The following FBXO34 variants were observed in gnomAD, a reference collection of about 807,000 sequenced individuals.
The protein encoded by FBXO34 is F-box protein 34, also known as F-box only protein 34.
A neutral mutation model predicts 24.5 loss-of-function variants in FBXO34; 12 were observed. That is an observed-to-expected ratio of 0.49 (90% CI 0.31 to 0.79). The LOEUF (loss-of-function observed/expected upper bound fraction) is 0.79, where lower values mean the gene tolerates loss of function less well. Ranked by LOEUF, FBXO34 falls within the 30% of genes least tolerant of loss-of-function variation. FBXO34 has a pLI of 0.04. For synonymous variants in FBXO34, 320 were observed against 311.9 expected (o/e 1.03, Z -0.27); for missense variants, 823 against 857.7 (o/e 0.96, Z 0.51).
intron 1 of FBXO34, among the ~76,000 whole-genome samples, chr14:55,274,881 C>T (rs1195372200): frequency 6.6e-6 from 1 of 152,170 alleles, no homozygotes; most frequent in Non-Finnish European, 1.5e-5. Flanking sequence ...AGGGAAGCTA[C>T]TATGGTATGA....
At chr14:55,429,064 C>T in the FBXO34 span, 67 of 1,479,364 alleles carry the variant, frequency 4.5e-5, no homozygotes, top group Non-Finnish European at 5.4e-5. Flanking sequence ...ATTTGTACCA[C>T]GTTTATCTTT....
downstream of FBXO34, chr14:55,354,358 T>C (rs973187580): frequency 3.3e-5 from 5 of 152,212 alleles, no homozygotes; most frequent in African/African-American, 4.8e-5. Flanking sequence ...TTATGATTCA[T>C]AATTTAGGTT....
At chr14:55,295,848 A>C (rs80185775) in intron 1 of FBXO34, among the ~76,000 whole-genome samples, 9 of 152,384 alleles carry the variant, frequency 5.9e-5, no homozygotes, top group South Asian at 2.1e-4. Context: ...ATAGTAAAGA[A>C]TACTTTGAAG....
rs1193696219 is a variant in FBXO34, at chr14:55,298,597, C to CG, written c.-11+27061dup. On this transcript the variant is annotated intron_variant, in intron 1 of 1. Transcript: ENST00000313833. ...CAGGGTGGAGGCGGAGGAGGGCGGG[C>CG]GCCGGAGCCCAGCCGGAGCGGGCGT... 5.2e-6 allele frequency: 5 copies of CG among 954,650 alleles called. No individual in the cohort carries two copies. In the Admixed American group the frequency reaches 1.4e-4, roughly 26 times the overall value. The allele number at this position is 954,650 out of a possible 1,614,324, so 59.1% of individuals were successfully genotyped here.
chr14:55,386,138 AGTTCCT>A, the FBXO34 span: 1 of 1,543,308 alleles, frequency 6.5e-7, no homozygotes, highest in Non-Finnish European at 8.9e-7. Flanking sequence ...CTCTGCAAAC[AGTTCCT>A]GTGTACTGCA....
intron 1 of FBXO34, among the ~76,000 whole-genome samples, chr14:55,346,778 A>G (rs942480105): frequency 1.1e-4 from 17 of 152,200 alleles, no homozygotes; most frequent in Non-Finnish European, 2.1e-4. Context: ...AAGAGAAAAA[A>G]GGCCGTTGAG....
chr14:55,274,079 C>T lies in FBXO34; in HGVS notation c.-11+2542C>T, dbSNP rs140547235. On this transcript the variant is annotated intron_variant, in intron 1 of 1. Transcript: ENST00000313833. ...TCAGCCTCCCAAAGTGCTGGGACTA[C>T]AGGTGTGAGCCACCGTTCTCGGCCA... 6.3e-3 allele frequency among the ~76,000 whole-genome samples: 958 copies of T among 152,266 alleles called. 13 individuals are homozygous for T. The highest frequency in any genetic ancestry group is 0.022 in the African/African-American group (898 of 41,542).
chr14:55,283,718 C>T (rs1881642146), intron 1 of FBXO34, among the ~76,000 whole-genome samples: 1 of 152,246 alleles, frequency 6.6e-6, no homozygotes, highest in South Asian at 2.1e-4. Context: ...TTTGGCCTCC[C>T]AAAGTGCTGG....
chr14:55,307,920 C>T (rs1382866637), intron 1 of FBXO34, among the ~76,000 whole-genome samples: 1 of 152,160 alleles, frequency 6.6e-6, no homozygotes, highest in Non-Finnish European at 1.5e-5. Flanking sequence ...ACCCAAATCT[C>T]ACCTTGAATT....
chr14:55,357,745 T>C (rs28493647), downstream of FBXO34, among the ~76,000 whole-genome samples: 64,956 of 152,038 alleles, frequency 0.43, 14,140 homozygotes, highest in African/African-American at 0.46. Context: ...CCTAGGAAGT[T>C]GGCTGCAGTG....
chr14:55,388,416 C>T, the FBXO34 span, among the ~76,000 whole-genome samples: 1 of 152,176 alleles, frequency 6.6e-6, no homozygotes, highest in Non-Finnish European at 1.5e-5. Context: ...GGCAGTCATC[C>T]TCTCTCCCTA....
At chr14:55,347,796 G>A (rs751950491) in intron 1 of FBXO34, among the ~76,000 whole-genome samples, 2 of 152,100 alleles carry the variant, frequency 1.3e-5, no homozygotes, top group Non-Finnish European at 2.9e-5. Context: ...TAATATATGG[G>A]GGAAGAAGTC....
At chr14:55,414,122 G>C in the FBXO34 span, 2 of 555,838 alleles carry the variant, frequency 3.6e-6, no homozygotes, top group African/African-American at 1.9e-5. Context: ...TCTTCATGAT[G>C]CTACAATATC....
the FBXO34 span, among the ~76,000 whole-genome samples, chr14:55,379,476 C>T: frequency 6.6e-5 from 10 of 151,874 alleles, no homozygotes; most frequent in Admixed American, 1.3e-4. Context: ...TGGGGAGGGA[C>T]GGAGGTTGCA....
chr14:55,427,167 T>C, the FBXO34 span, among the ~76,000 whole-genome samples: 5 of 152,188 alleles, frequency 3.3e-5, no homozygotes, highest in African/African-American at 1.2e-4. Context: ...ATGCCAAGAT[T>C]GAAGGAAGAA....
intron 1 of FBXO34, among the ~76,000 whole-genome samples, chr14:55,345,295 CCTT>C (rs902908303): frequency 1.6e-4 from 25 of 152,258 alleles, no homozygotes; most frequent in African/African-American, 5.5e-4. Flanking sequence ...TAGTTAGAAA[CCTT>C]CTTGTTATTC....
chr14:55,400,980 T>C, the FBXO34 span, among the ~76,000 whole-genome samples: 1 of 151,692 alleles, frequency 6.6e-6, no homozygotes, highest in Non-Finnish European at 1.5e-5. Flanking sequence ...TCAAAGAATA[T>C]TTACAGCAAA....
At chr14:55,408,555 C>T in the FBXO34 span, among the ~76,000 whole-genome samples, 1 of 152,088 alleles carries the variant, frequency 6.6e-6, no homozygotes, top group African/African-American at 2.4e-5. Context: ...GAGGACTGCT[C>T]AGCCCACAGG....
chr14:55,411,914 G>A, the FBXO34 span: 2 of 1,253,934 alleles, frequency 1.6e-6, no homozygotes, highest in Non-Finnish European at 2.2e-6. Context: ...AGGGGGGCTG[G>A]GATGCCGGCG....
Sources: allele counts gnomAD v4.1 joint callset (sites outside exome capture counted in the v4.1 genomes callset), GRCh38; gene constraint gnomAD v4.1.1; transcripts MANE v1.5; gene names NCBI Gene and HGNC (gene_info 2026-07-23, HGNC 2026-07-21).